The following BDP1 variants were observed in gnomAD, a reference collection of about 807,000 sequenced individuals.
BDP1 encodes transcription factor TFIIIB component B'' homolog.
Under a neutral mutation model 266.6 loss-of-function variants are expected in BDP1, and 169 were observed. The observed-to-expected ratio is 0.63, with a 90% CI of 0.56 to 0.72. The LOEUF (loss-of-function observed/expected upper bound fraction) is 0.72, where lower values mean the gene tolerates loss of function less well. Ranked by LOEUF, BDP1 falls within the 30% of genes least tolerant of loss-of-function variation. The pLI is 0.00. For synonymous variants in BDP1, 1,090 were observed against 1,022.4 expected (o/e 1.07, Z -1.26); for missense variants, 3,015 against 3,053.8 (o/e 0.99, Z 0.30).
At position 71,565,198 on chromosome 5, in the gene BDP1, G is replaced by A. The variant is rs150674498; in HGVS notation, c.*313G>A. On this transcript the variant is annotated 3_prime_UTR_variant, in exon 39 of 39. Transcript: ENST00000358731. ...CACATGGACATTTGGGAATGTTGTG[G>A]ATATATGTCTCTGTATGAATTGCAG... 1,348 of 216,714 alleles carry A rather than the reference G, an allele frequency of 6.2e-3. 14 individuals carry two copies. The highest frequency in any genetic ancestry group is 9.7e-3 in the Non-Finnish European group (1,076 of 110,504). 13.4% of individuals were successfully genotyped at this position (216,714 alleles called of 1,614,324 possible). A position where few individuals can be genotyped will look rare whatever the true frequency, so the allele number is the denominator to read the frequency against.
rs1242396405 is a variant in BDP1, at chr5:71,566,770, A to C, written c.*1885A>C. ...TGTATGGATGAGTTATTTGTCACTA[A>C]AGTTATGAGTTGTGCCTAAAAGTTA... is the stretch of plus-strand genomic sequence containing the variant. On this transcript the variant is annotated 3_prime_UTR_variant, in exon 39 of 39. Transcript: ENST00000358731. 1 of 152,222 alleles carries C rather than the reference A, an allele frequency of 6.6e-6. No individual in the cohort carries two copies. The highest frequency in any genetic ancestry group is 1.5e-5 in the Non-Finnish European group (1 of 68,028). 9.4% of individuals were successfully genotyped at this position (152,222 alleles called of 1,614,324 possible). A position where few individuals can be genotyped will look rare whatever the true frequency, so the allele number is the denominator to read the frequency against.
chr5:71,554,293 C>T (rs948779559), intron 35 of BDP1, among the ~76,000 whole-genome samples: 4 of 152,068 alleles, frequency 2.6e-5, no homozygotes, highest in Admixed American at 6.6e-5. Flanking sequence ...TTTCCTTTAC[C>T]CACTTTTCAA....
chr5:71,525,480 C>T (rs1479113824), intron 25 of BDP1, among the ~76,000 whole-genome samples: 1 of 120,378 alleles, frequency 8.3e-6, no homozygotes, highest in Non-Finnish European at 1.7e-5. Context: ...GGCGGCTGGC[C>T]GGGCGGGGGG....
chr5:71,499,024 C>T (rs1764068495), intron 13 of BDP1, among the ~76,000 whole-genome samples: 1 of 152,112 alleles, frequency 6.6e-6, no homozygotes, highest in African/African-American at 2.4e-5. Context: ...CATGCCTGGC[C>T]AATAACTTTA....
the BDP1 span, among the ~76,000 whole-genome samples, chr5:71,578,261 G>A: frequency 6.6e-6 from 1 of 152,174 alleles, no homozygotes; most frequent in Non-Finnish European, 1.5e-5. Flanking sequence ...TAGAGGCAAG[G>A]TGTCCCCTGA....
chr5:71,485,945 G>C (rs1763236351), intron 8 of BDP1, among the ~76,000 whole-genome samples: 1 of 152,108 alleles, frequency 6.6e-6, no homozygotes, highest in African/African-American at 2.4e-5. Flanking sequence ...CCAAACAATA[G>C]AGGAAATGTT....
rs527694793 is a variant in BDP1 at position 71,544,454 on chromosome 5, T to G, written c.6510T>G (p.Cys2170Trp). The change falls in exon 31 of 39, where the codon TGT (cysteine) becomes TGG (tryptophan). Residue 2170 changes from cysteine to tryptophan, a missense_variant. Cys to Trp is a radical substitution (Grantham distance 215). Transcript: ENST00000358731. ...ATAAGGATCAGAGCAAATTGGCATG[T>G]GTACATGGTATCAAAGGGACCAGTA... ...AENKDQSKLA[C>W]VHGIKGTSIS... is the part of the protein sequence containing the mutation. The G allele has an allele frequency of 3.1e-6, 5 of 1,614,134 alleles. No individual in the cohort carries two copies. The highest frequency in any genetic ancestry group is 4.5e-5 in the East Asian group (2 of 44,882).
At chr5:71,502,955 C>A (rs907327697) in intron 15 of BDP1, among the ~76,000 whole-genome samples, 164 bp downstream of exon 15, 1 of 144,492 alleles carries the variant, frequency 6.9e-6, no homozygotes, top group African/African-American at 2.5e-5. Flanking sequence ...GTGTCGCGAT[C>A]TTGCCTCACT....
At chr5:71,526,765 G>T (rs2150523074) in intron 25 of BDP1, among the ~76,000 whole-genome samples, 1 of 142,988 alleles carries the variant, frequency 7.0e-6, no homozygotes, top group Admixed American at 7.2e-5. Context: ...TTGGCTCATT[G>T]CAACCTCCAC....
chr5:71,484,246 G>C (rs1763125971), intron 8 of BDP1, among the ~76,000 whole-genome samples: 1 of 152,084 alleles, frequency 6.6e-6, no homozygotes, highest in African/African-American at 2.4e-5. Flanking sequence ...GGTTCTTTCT[G>C]GTTCTGAATG....
intron 8 of BDP1, among the ~76,000 whole-genome samples, chr5:71,484,977 G>T (rs1388872778): frequency 6.6e-6 from 1 of 152,136 alleles, no homozygotes; most frequent in African/African-American, 2.4e-5. Context: ...TTGAGGAATG[G>T]CTCTTAGAAG....
intron 7 of BDP1, among the ~76,000 whole-genome samples, chr5:71,472,124 A>C (rs1762285605): frequency 6.6e-6 from 1 of 152,174 alleles, no homozygotes; most frequent in African/African-American, 2.4e-5. Context: ...TCTTTTCCTG[A>C]AAGGTTACTA....
chr5:71,476,356 A>T (rs1220135191), intron 7 of BDP1: 2 of 152,262 alleles, frequency 1.3e-5, no homozygotes, highest in African/African-American at 2.4e-5. Context: ...TAAGGGATAC[A>T]GATGAAGAGA....
chr5:71,529,519 T>C (rs1224593421), intron 25 of BDP1, among the ~76,000 whole-genome samples: 2 of 152,306 alleles, frequency 1.3e-5, no homozygotes, highest in South Asian at 4.1e-4. Context: ...AGCAAGACCC[T>C]GTCTCTACAT....
rs554260866 is a variant in BDP1, at chr5:71,513,971, C to T, written c.4470+564C>T. On this transcript the variant is annotated intron_variant, in intron 19 of 38. Coordinates refer to ENST00000358731, the MANE Select transcript of BDP1 (RefSeq NM_018429.3). ...AACTCCTAACCTCGTGATCTGCCTGCTTTGGCCTCCCAAAGTGCTGGGATT... is the reference window on the plus strand; with the variant it reads ...AACTCCTAACCTCGTGATCTGCCTGTTTTGGCCTCCCAAAGTGCTGGGATT... Among the ~76,000 whole-genome samples the T allele has an allele frequency of 1.3e-4, 19 of 151,996 alleles. No homozygotes were observed. The South Asian group carries it at 3.9e-3, about 32-fold the overall frequency.
intron 20 of BDP1, among the ~76,000 whole-genome samples, chr5:71,515,546 C>T (rs1765172537): frequency 6.6e-6 from 1 of 152,026 alleles, no homozygotes; most frequent in African/African-American, 2.4e-5. Flanking sequence ...AAATCTGAAA[C>T]ATTTCTGGTC....
intron 25 of BDP1, among the ~76,000 whole-genome samples, chr5:71,525,423 G>T (rs1452718061): frequency 7.5e-6 from 1 of 133,188 alleles, no homozygotes; most frequent in Admixed American, 7.3e-5. Flanking sequence ...CGGACGGGGC[G>T]GCTGGCCGGG....
At chr5:71,532,683 A>G (rs1766319535) in intron 26 of BDP1, among the ~76,000 whole-genome samples, 1 of 152,228 alleles carries the variant, frequency 6.6e-6, no homozygotes, top group African/African-American at 2.4e-5. Flanking sequence ...TAAACAAGTT[A>G]AAATATATTC....
At chr5:71,515,237 T>C in intron 20 of BDP1, 115 bp downstream of exon 20, 1 of 801,734 alleles carries the variant, frequency 1.2e-6, no homozygotes, top group Non-Finnish European at 1.9e-6. Context: ...AGAATATTGG[T>C]TTAATTTTAT....
Sources: allele counts gnomAD v4.1 joint callset (sites outside exome capture counted in the v4.1 genomes callset), GRCh38; gene constraint gnomAD v4.1.1; transcripts MANE v1.5; gene names NCBI Gene and HGNC (gene_info 2026-07-23, HGNC 2026-07-21).